The following RPLP0 variants were observed in gnomAD, a reference collection of about 807,000 sequenced individuals.
The protein encoded by RPLP0 is ribosomal protein lateral stalk subunit P0.
For synonymous variants in RPLP0, 137 were observed against 153.4 expected (o/e 0.89, Z 0.79); for missense variants, 276 against 402.9 (o/e 0.69, Z 2.70).
In RPLP0 at chr12:120,197,341, G is replaced by A. The variant is rs1879219743; in HGVS notation, c.773C>T (p.Thr258Ile). The A allele has an allele frequency of 6.2e-7, 1 of 1,613,760 alleles. No homozygotes were observed. Among genetic ancestry groups the A allele is most frequent in the Non-Finnish European group, 8.5e-7 (1 of 1,179,792 alleles). The change falls in exon 7 of 8, where the codon ACC becomes ATC. Residue 258 changes from threonine to isoleucine, a missense_variant. By Grantham distance (89) the Thr-to-Ile change is moderately conservative. Coordinates refer to ENST00000392514, the MANE Select transcript of RPLP0 (RefSeq NM_001002.4). ...TTTTACCTTTTCAGCAAGTGGGAAG[G>A]TGTAATCCGTCTCCACAGACAAGGC... Reference protein sequence around the residue: ...VLALSVETDYTFPLAEKVKAF... With the variant: ...VLALSVETDYIFPLAEKVKAF...
rs777927416 is a variant in RPLP0 at position 120,196,734 on chromosome 12, T to C, written c.*39A>G. On this transcript the variant is annotated 3_prime_UTR_variant, in exon 8 of 8. Transcript: ENST00000392514. ...AGAAGTAAGCCTTTATTTCCTTGTT[T>C]TGCAAATAAAACTGGCTAAGTTGGT... The C allele has an allele frequency of 6.6e-7, 1 of 1,526,402 alleles. No homozygotes were observed. The highest frequency in any genetic ancestry group is 8.8e-7 in the Non-Finnish European group (1 of 1,136,178). The allele number at this position is 1,526,402 out of a possible 1,614,324, so 94.6% of individuals were successfully genotyped here.
intron 2 of RPLP0, chr12:120,200,243 T>C (rs1289948147): frequency 2.6e-6 from 1 of 382,550 alleles, no homozygotes; most frequent in Non-Finnish European, 5.2e-6. Flanking sequence ...GGAAGGTGGA[T>C]CATGAAGTCA....
In RPLP0 at chr12:120,198,614, G is replaced by A. The variant is rs1272281560; in HGVS notation, c.591C>T (p.Ser197=). 6 of 1,614,070 alleles carry A rather than the reference G, an allele frequency of 3.7e-6. No homozygotes were observed. The highest frequency in any genetic ancestry group is 5.1e-6 in the Non-Finnish European group (6 of 1,180,036). Residue 197 remains serine (S), a synonymous_variant, in exon 6 of 8, where the codon AGC becomes AGT. Transcript: ENST00000392514. This position sits in a 1 kb window ranked among gnomAD's most constrained non-coding sequence, Gnocchi z 4.1. ...LVIQQVFDNG[S]IYNPEVLDIT... ...TATCAAGCACTTCAGGGTTGTAGAT[G>A]CTGCCATTGTCGAACACCTGCTGGA... is the stretch of plus-strand genomic sequence containing the variant.
rs1028405981 is a variant in RPLP0, at chr12:120,198,494, C to T, written c.651+60G>A. 1 of 1,594,558 alleles carries T rather than the reference C, an allele frequency of 6.3e-7. No homozygotes were observed. Among genetic ancestry groups the T allele is most frequent in the Admixed American group, 1.7e-5 (1 of 59,630 alleles). On this transcript the variant is annotated intron_variant, in intron 6 of 7. Transcript: ENST00000392514. The surrounding 1 kb of genome is among the most constrained non-coding windows in gnomAD (Gnocchi z 4.1). ...CAGTCCTTGGTTACAGGGACTCAGT[C>T]TGAACCTTGTCATGCTCTCAACCAT...
At position 120,198,656 on chromosome 12, in the gene RPLP0, G is replaced by A; in HGVS notation, c.549C>T (p.Phe183=). The change falls in exon 6 of 8, where the codon TTC becomes TTT. Residue 183 remains phenylalanine, a synonymous_variant. Coordinates refer to ENST00000392514, the MANE Select transcript of RPLP0 (RefSeq NM_001002.4). This position sits in a 1 kb window ranked among gnomAD's most constrained non-coding sequence, Gnocchi z 4.1. ...CCTGCTGGATGACCAGCCCAAAGGA[G>A]AAGGGGGAGATGTTGAGCATGTTCA... ...TLLNMLNISP[F]SFGLVIQQVF... is the part of the protein sequence containing the mutation. The A allele has an allele frequency of 6.2e-7, 1 of 1,614,120 alleles. No individual in the cohort carries two copies. Among genetic ancestry groups the A allele is most frequent in the Non-Finnish European group, 8.5e-7 (1 of 1,180,016 alleles).
chr12:120,198,475 T>G lies in RPLP0; in HGVS notation c.651+79A>C, dbSNP rs1401091418. 2.0e-6 allele frequency: 3 copies of G among 1,471,036 alleles called. No homozygotes were observed. Among genetic ancestry groups the G allele is most frequent in the Non-Finnish European group, 2.8e-6 (3 of 1,053,816 alleles). 91.1% of individuals were successfully genotyped at this position (1,471,036 alleles called of 1,614,324 possible). On this transcript the variant is annotated intron_variant, in intron 6 of 7. Transcript: ENST00000392514. The surrounding 1 kb of genome is among the most constrained non-coding windows in gnomAD (Gnocchi z 4.1). Reference sequence around the variant, plus strand: ...AGGTAGACAGATGAAAACACAGTCCTTGGTTACAGGGACTCAGTCTGAACC... The same window carrying G: ...AGGTAGACAGATGAAAACACAGTCCGTGGTTACAGGGACTCAGTCTGAACC...
Position 120,198,569 on chromosome 12 carries a change from A to C in RPLP0, c.636T>G (p.His212Gln). 1 of 1,614,124 alleles carries C rather than the reference A, an allele frequency of 6.2e-7. No individual in the cohort carries two copies. The highest frequency in any genetic ancestry group is 8.5e-7 in the Non-Finnish European group (1 of 1,180,012). The change falls in exon 6 of 8, where the codon CAT (histidine) becomes CAG (glutamine). Residue 212 changes from histidine (H) to glutamine (Q), a missense_variant. Transcript: ENST00000392514. The surrounding 1 kb of genome is among the most constrained non-coding windows in gnomAD (Gnocchi z 4.1). ...CAGCATATACCTCCAGGAAGCGAGA[A>C]TGCAGAGTTTCCTCTGTGATATCAA... The part of the protein sequence containing the change: ...EVLDITEETL[H>Q]SRFLEGVRNV...
chr12:120,197,250 A>G (rs543783350), intron 7 of RPLP0, 72 bp downstream of exon 7: 2 of 1,355,960 alleles, frequency 1.5e-6, no homozygotes, highest in South Asian at 2.4e-5. Context: ...AAAAGCAGTA[A>G]GGTAGAAGGC....
Position 120,198,813 on chromosome 12 carries a change from C to T in RPLP0, c.465+41G>A. ...GATCCATGGCCACTAAAAGCAGCTCCCCATTTGCCTGGTTAGCACAGGCAA... is the reference window on the plus strand; with the variant it reads ...GATCCATGGCCACTAAAAGCAGCTCTCCATTTGCCTGGTTAGCACAGGCAA... On this transcript the variant is annotated intron_variant, in intron 5 of 7. Transcript: ENST00000392514. The surrounding 1 kb of genome is among the most constrained non-coding windows in gnomAD (Gnocchi z 4.1). 1 of 1,612,750 alleles carries T rather than the reference C, an allele frequency of 6.2e-7. No individual in the cohort carries two copies. Among genetic ancestry groups the T allele is most frequent in the Admixed American group, 1.7e-5 (1 of 60,028 alleles).
intron 2 of RPLP0, chr12:120,200,459 T>G: frequency 2.4e-6 from 1 of 408,676 alleles, no homozygotes; most frequent in Non-Finnish European, 4.4e-6. Flanking sequence ...CGAGACTCCG[T>G]TTAAAAAAAA....
At chr12:120,197,937 T>C (rs1315325614) in intron 6 of RPLP0, 1 of 104,442 alleles carries the variant, frequency 9.6e-6, no homozygotes, top group Admixed American at 7.8e-5. Context: ...AAGGGCATTA[T>C]TTTTTTTGTG....
chr12:120,196,963 G>A lies in RPLP0; in HGVS notation c.793-29C>T, dbSNP rs1479836312. On this transcript the variant is annotated intron_variant, in intron 7 of 7. Coordinates refer to ENST00000392514, the MANE Select transcript of RPLP0 (RefSeq NM_001002.4). The stretch of plus-strand genomic sequence containing the variant: ...AAAGGAGGGGGGAAGTGGTCAAAAT[G>A]GTCATCCACACTCCTCTATTACCCA... The A allele has an allele frequency of 2.5e-6, 4 of 1,612,230 alleles. No homozygotes were observed. In the South Asian group the frequency reaches 4.4e-5, roughly 18 times the overall value.
chr12:120,199,019 A>G lies in RPLP0; in HGVS notation c.319-19T>C, dbSNP rs781446108. 7 of 1,613,910 alleles carry G rather than the reference A, an allele frequency of 4.3e-6. No homozygotes were observed. The highest frequency in any genetic ancestry group is 2.2e-5 in the South Asian group (2 of 91,078). On this transcript the variant is annotated intron_variant, in intron 4 of 7. Coordinates refer to ENST00000392514, the MANE Select transcript of RPLP0 (RefSeq NM_001002.4). Reference sequence around the variant, plus strand: ...CTGGCACCTGACAAAGACAACAAACAGTGAGAAAAGCCTCTCCACTCACAC... The same window carrying G: ...CTGGCACCTGACAAAGACAACAAACGGTGAGAAAAGCCTCTCCACTCACAC...
In RPLP0 at chr12:120,200,505, G is replaced by A. The variant is rs1364532126; in HGVS notation, c.54+225C>T. ...AGCGCGCTCTTTTAGAAGCCAGACAGACCTGGATACGAATGCTGTCATCTT... is the reference window on the plus strand; with the variant it reads ...AGCGCGCTCTTTTAGAAGCCAGACAAACCTGGATACGAATGCTGTCATCTT... On this transcript the variant is annotated intron_variant, in intron 2 of 7. Coordinates refer to ENST00000392514, the MANE Select transcript of RPLP0 (RefSeq NM_001002.4). The A allele has an allele frequency of 2.0e-5, 11 of 538,964 alleles. No individual in the cohort carries two copies. The Admixed American group carries it at 3.8e-4, about 19-fold the overall frequency. 33.4% of individuals were successfully genotyped at this position (538,964 alleles called of 1,614,324 possible). A position where few individuals can be genotyped will look rare whatever the true frequency, so the allele number is the denominator to read the frequency against.
In RPLP0 at chr12:120,196,940, A is replaced by G. The variant is rs1484862762; in HGVS notation, c.793-6T>C. On this transcript the variant is annotated splice_polypyrimidine_tract_variant and splice_region_variant and intron_variant, in intron 7 of 7. Coordinates refer to ENST00000392514, the MANE Select transcript of RPLP0 (RefSeq NM_001002.4). ...TCAGCCAAGAAGGCCTTGACCTGAA[A>G]GGAGGGGGGAAGTGGTCAAAATGGT... The G allele has an allele frequency of 1.2e-6, 2 of 1,613,148 alleles. No individual in the cohort carries two copies. Among genetic ancestry groups the G allele is most frequent in the African/African-American group, 2.7e-5 (2 of 74,906 alleles).
At chr12:120,200,870 C>CA in intron 1 of RPLP0, 39 bp from the exon 2 acceptor site, 1 of 1,539,640 alleles carries the variant, frequency 6.5e-7, no homozygotes, top group Non-Finnish European at 8.8e-7. Flanking sequence ...GTCACGCCGA[C>CA]ACCCATCCCG....
intron 6 of RPLP0, chr12:120,197,707 C>A (rs1017968386): frequency 1.2e-5 from 6 of 514,434 alleles, no homozygotes; most frequent in African/African-American, 1.1e-4. Flanking sequence ...CTTCCAAAGC[C>A]CCTACCACAA....
rs141410004 is a variant in RPLP0, at chr12:120,200,150, C to T, written c.54+580G>A. ...ACAATGAGTCATTCCTGACCTCAGA[C>T]CTTCTCAAAAATGGAGTAAAACTGT... On this transcript the variant is annotated intron_variant, in intron 2 of 7. Coordinates refer to ENST00000392514, the MANE Select transcript of RPLP0 (RefSeq NM_001002.4). The T allele has an allele frequency of 2.7e-3, 1,224 of 455,542 alleles. 6 individuals carry two copies. The highest frequency in any genetic ancestry group is 3.7e-3 in the Non-Finnish European group (847 of 226,452). 28.2% of individuals were successfully genotyped at this position (455,542 alleles called of 1,614,324 possible). A position where few individuals can be genotyped will look rare whatever the true frequency, so the allele number is the denominator to read the frequency against.
chr12:120,197,236 C>T (rs1879215778), intron 7 of RPLP0, 86 bp downstream of exon 7: 2 of 1,269,626 alleles, frequency 1.6e-6, no homozygotes, highest in Non-Finnish European at 2.3e-6. Context: ...TAAAATACAA[C>T]TATAAAAGCA....
Sources: allele counts gnomAD v4.1 joint callset, GRCh38; gene constraint gnomAD v4.1.1; non-coding constraint Gnocchi (gnomAD v3.1); transcripts MANE v1.5; gene names NCBI Gene and HGNC (gene_info 2026-07-23, HGNC 2026-07-21).